Variants in PACRG observed in about 807,000 individuals in gnomAD.
PACRG encodes the protein parkin coregulated gene protein.
A neutral mutation model predicts 29.7 loss-of-function variants in PACRG; 29 were observed. The ratio of observed to expected loss-of-function variants is 0.98; its 90% CI spans 0.73 to 1.33. PACRG has a LOEUF of 1.33. PACRG is among the 40% of genes most tolerant of loss of function. PACRG has a pLI of 0.00. For synonymous variants in PACRG, 116 were observed against 118.7 expected (o/e 0.98, Z 0.15); for missense variants, 279 against 316.2 (o/e 0.88, Z 0.89).
chr6:162,913,795 A>G (rs1796482507), intron 2 of PACRG, among the ~76,000 whole-genome samples: 1 of 152,170 alleles, frequency 6.6e-6, no homozygotes, highest in Non-Finnish European at 1.5e-5. Flanking sequence ...TTGATGACTA[A>G]CAATATTGAG....
chr6:162,807,673 C>T (rs935277737), intron 1 of PACRG, among the ~76,000 whole-genome samples: 1 of 151,928 alleles, frequency 6.6e-6, no homozygotes, highest in African/African-American at 2.4e-5. Context: ...CACAGGTCAC[C>T]ATAACAGATA....
chr6:163,260,792 C>G (rs1292900263), intron 4 of PACRG, among the ~76,000 whole-genome samples: 2 of 152,212 alleles, frequency 1.3e-5, no homozygotes, highest in Non-Finnish European at 2.9e-5. Flanking sequence ...CTACAGAACA[C>G]TGCTTCTTCT....
chr6:163,066,053 A>G (rs1420020610), intron 3 of PACRG, among the ~76,000 whole-genome samples: 1 of 152,214 alleles, frequency 6.6e-6, no homozygotes, highest in East Asian at 1.9e-4. Flanking sequence ...AGGAGGAAAA[A>G]TTATCTCTTA....
At chr6:162,756,889 A>C (rs148581029) in intron 1 of PACRG, among the ~76,000 whole-genome samples, 1 of 152,166 alleles carries the variant, frequency 6.6e-6, no homozygotes, top group Non-Finnish European at 1.5e-5. Context: ...GCTGAGAACA[A>C]CTTTCCTATA....
At chr6:162,868,581 T>C (rs959566859) in intron 2 of PACRG, among the ~76,000 whole-genome samples, 5 of 152,126 alleles carry the variant, frequency 3.3e-5, no homozygotes, top group African/African-American at 1.2e-4. Context: ...TGCTCTGGCA[T>C]TGAGTTTCTT....
At chr6:163,263,348 A>G (rs577771574) in intron 4 of PACRG, among the ~76,000 whole-genome samples, 1 of 152,182 alleles carries the variant, frequency 6.6e-6, no homozygotes, top group South Asian at 2.1e-4. Context: ...AGCTTCCCTC[A>G]CAGACTTGGT....
At chr6:162,972,787 G>A (rs1562793130) in intron 2 of PACRG, among the ~76,000 whole-genome samples, 2 of 152,266 alleles carry the variant, frequency 1.3e-5, no homozygotes, top group Admixed American at 1.3e-4. Flanking sequence ...TCTGCTCTAC[G>A]TCTTCCACAG....
Position 163,002,898 on chromosome 6 carries a change from T to C in PACRG, c.292-59252T>C, listed in dbSNP as rs1037381568. ...CTAAAGGCTGGATGCTGTCCTCAGA[T>C]GTGTTTGATAAACCTGTGCAATTAT... On this transcript the variant is annotated intron_variant, in intron 2 of 4. Coordinates refer to ENST00000366888, the MANE Select transcript of PACRG (RefSeq NM_001080379.2). 3.4e-4 allele frequency among the ~76,000 whole-genome samples: 52 copies of C among 152,202 alleles called. 1 individual carries two copies. Among genetic ancestry groups the C allele is most frequent in the African/African-American group, 1.2e-3 (49 of 41,456 alleles).
At chr6:163,244,049 G>A (rs1782603131) in intron 4 of PACRG, among the ~76,000 whole-genome samples, 1 of 152,304 alleles carries the variant, frequency 6.6e-6, no homozygotes, top group South Asian at 2.1e-4. Flanking sequence ...TGTCTGTAAT[G>A]TCTTTGGCCA....
chr6:162,884,040 C>T (rs754172086), intron 2 of PACRG, among the ~76,000 whole-genome samples: 2 of 152,032 alleles, frequency 1.3e-5, no homozygotes, highest in South Asian at 2.1e-4. Context: ...TGGGCTCAAG[C>T]GATCCTCCCA....
intron 2 of PACRG, among the ~76,000 whole-genome samples, chr6:162,831,367 G>C (rs1033714727): frequency 3.9e-5 from 6 of 152,148 alleles, no homozygotes; most frequent in Non-Finnish European, 8.8e-5. Flanking sequence ...ACATTGATTA[G>C]ATGCTGTACA....
chr6:162,730,491 A>G (rs1779678416), intron 1 of PACRG, among the ~76,000 whole-genome samples: 2 of 152,164 alleles, frequency 1.3e-5, no homozygotes, highest in African/African-American at 4.8e-5. Flanking sequence ...AACATGAAGA[A>G]CTGTATATAT....
Position 162,777,117 on chromosome 6 carries a change from C to T in PACRG, c.157-37030C>T, listed in dbSNP as rs188675420. 1.3e-5 allele frequency among the ~76,000 whole-genome samples: 2 copies of T among 152,334 alleles called. No homozygotes were observed. Among genetic ancestry groups the T allele is most frequent in the East Asian group, 3.9e-4 (2 of 5,170 alleles). On this transcript the variant is annotated intron_variant, in intron 1 of 4. Transcript: ENST00000366888. This position sits in a 1 kb window ranked among gnomAD's most constrained non-coding sequence, Gnocchi z 4.0. ...AGTTGAAAAATAGCTAGCATTAAAT[C>T]AACCAACTATTTCTCTGGGTGAATG...
At chr6:162,901,076 A>G (rs1473563237) in intron 2 of PACRG, among the ~76,000 whole-genome samples, 1 of 152,214 alleles carries the variant, frequency 6.6e-6, no homozygotes, top group East Asian at 1.9e-4. Flanking sequence ...CAGATACATA[A>G]TACAAACAAT....
At chr6:162,877,284 A>C (rs1297715883) in intron 2 of PACRG, among the ~76,000 whole-genome samples, 1 of 152,194 alleles carries the variant, frequency 6.6e-6, no homozygotes, top group African/African-American at 2.4e-5. Flanking sequence ...TGTCCTTTGC[A>C]GGGACATGGA....
chr6:163,060,541 C>A (rs1382216870), intron 2 of PACRG, among the ~76,000 whole-genome samples: 2 of 151,980 alleles, frequency 1.3e-5, no homozygotes, highest in Admixed American at 1.3e-4. Flanking sequence ...TCTGTATAAA[C>A]CTACATTAGG....
chr6:162,940,023 C>G (rs1425058977), intron 2 of PACRG, among the ~76,000 whole-genome samples: 2 of 152,170 alleles, frequency 1.3e-5, no homozygotes, highest in East Asian at 1.9e-4. Flanking sequence ...GTTGCTAATT[C>G]TAACTGCAAA....
At chr6:163,193,903 T>G (rs1434732253) in intron 4 of PACRG, among the ~76,000 whole-genome samples, 7 of 87,678 alleles carry the variant, frequency 8.0e-5, no homozygotes, top group Non-Finnish European at 2.2e-4. Flanking sequence ...TTTTTTTTTT[T>G]TTTTCCTGAG....
Position 162,767,275 on chromosome 6 carries a change from T to G in PACRG, c.156+38884T>G, listed in dbSNP as rs555903369. Among the ~76,000 whole-genome samples, 5 of 152,114 alleles carry G rather than the reference T, an allele frequency of 3.3e-5. No homozygotes were observed. The East Asian group carries it at 9.6e-4, about 29-fold the overall frequency. ...AGAGAGCTGGGCTAAAGTTTTCCACTGTTATGATAGATGTGCTTATTTCTT... is the reference window on the plus strand; with the variant it reads ...AGAGAGCTGGGCTAAAGTTTTCCACGGTTATGATAGATGTGCTTATTTCTT... On this transcript the variant is annotated intron_variant, in intron 1 of 4. Transcript: ENST00000366888.
Sources: gnomAD v4.1 joint callset for allele counts (sites outside exome capture counted in the v4.1 genomes callset) on GRCh38, gnomAD v4.1.1 for gene constraint, Gnocchi (gnomAD v3.1) non-coding constraint, MANE v1.5 for transcripts, NCBI Gene and HGNC (gene_info 2026-07-23, HGNC 2026-07-21) for gene names.